The following OSBP2 variants were observed in gnomAD, a reference collection of about 807,000 sequenced individuals.
OSBP2 encodes the protein oxysterol binding protein 2, also known as oxysterol-binding protein 2.
Under a neutral mutation model 96.0 loss-of-function variants are expected in OSBP2, and 66 were observed. That is an observed-to-expected ratio of 0.69 (90% CI 0.56 to 0.84). OSBP2 has a LOEUF of 0.84. OSBP2 is among the 40% of genes least tolerant of loss of function. The pLI is 0.00. For synonymous variants in OSBP2, 525 were observed against 520.9 expected (o/e 1.01, Z -0.11); for missense variants, 1,038 against 1,222.7 (o/e 0.85, Z 2.25).
At chr22:30,779,643 C>A (rs915970951) in intron 2 of OSBP2, among the ~76,000 whole-genome samples, 1 of 152,092 alleles carries the variant, frequency 6.6e-6, no homozygotes, top group African/African-American at 2.4e-5. Context: ...AGGAGCTGGA[C>A]GAAGTAACCC....
At chr22:30,762,416 C>T (rs969756962) in intron 2 of OSBP2, among the ~76,000 whole-genome samples, 3 of 151,890 alleles carry the variant, frequency 2.0e-5, no homozygotes, top group East Asian at 3.9e-4. Flanking sequence ...GGCGTGGTGG[C>T]GGGCGCCTGT....
chr22:30,906,077 C>T lies in OSBP2; in HGVS notation c.2608+8C>T, dbSNP rs1172751959. ...GCTGCAGCTCGGAGGAAGGTGAGGC[C>T]GGGCGGGAAGGGCGCCCCGGAGGGG... is the stretch of plus-strand genomic sequence containing the variant. On this transcript the variant is annotated splice_region_variant and intron_variant, in intron 13 of 13. Coordinates refer to ENST00000332585, the MANE Select transcript of OSBP2 (RefSeq NM_030758.4). 3.1e-6 allele frequency: 4 copies of T among 1,303,992 alleles called. No individual in the cohort carries two copies. Among genetic ancestry groups the T allele is most frequent in the East Asian group, 4.9e-5 (1 of 20,596 alleles). The allele number at this position is 1,303,992 out of a possible 1,614,324, so 80.8% of individuals were successfully genotyped here.
intron 2 of OSBP2, among the ~76,000 whole-genome samples, chr22:30,802,364 G>A (rs1211518428): frequency 6.6e-6 from 1 of 152,206 alleles, no homozygotes; most frequent in African/African-American, 2.4e-5. Context: ...GGATGGGACC[G>A]CATCTCCCCT....
chr22:30,778,285 T>C (rs1356815175), intron 2 of OSBP2, among the ~76,000 whole-genome samples: 2 of 141,624 alleles, frequency 1.4e-5, no homozygotes, highest in Non-Finnish European at 3.1e-5. Context: ...GACCTGCTCA[T>C]ACTGCCCGTG....
At chr22:30,742,409 CAA>C (rs765469159) in intron 2 of OSBP2, among the ~76,000 whole-genome samples, 12 of 130,774 alleles carry the variant, frequency 9.2e-5, no homozygotes, top group African/African-American at 1.6e-4. Context: ...GACTCTGTCT[CAA>C]AAAAAAAAAA....
At chr22:30,704,064 G>A (rs1224395266) in intron 1 of OSBP2, among the ~76,000 whole-genome samples, 1 of 152,128 alleles carries the variant, frequency 6.6e-6, no homozygotes, top group Non-Finnish European at 1.5e-5. Flanking sequence ...CCACGCAAAG[G>A]TGTCCACCCA....
chr22:30,890,807 T>G lies in OSBP2; in HGVS notation c.1703T>G (p.Val568Gly), dbSNP rs1266328545. 3 of 1,613,682 alleles carry G rather than the reference T, an allele frequency of 1.9e-6. No homozygotes were observed. The East Asian group carries it at 6.7e-5, about 36-fold the overall frequency. ...LEYHHLLDKA[V>G]HCTSSVEQMC... ...TACCACCACCTGCTGGACAAGGCAG[T>G]GCACTGCACCAGCTCAGTGGAGCAG... The change falls in exon 8 of 14, where the codon GTG (valine) becomes GGG (glycine). Residue 568 changes from valine to glycine, a missense_variant. Physicochemically the swap from Val to Gly is moderately radical, Grantham distance 109. This residue lies in a region of OSBP2 where 737 missense variants were observed against 913.3 expected (regional missense o/e 0.81). Coordinates refer to ENST00000332585, the MANE Select transcript of OSBP2 (RefSeq NM_030758.4). The surrounding 1 kb of genome is among the most constrained non-coding windows in gnomAD (Gnocchi z 4.4).
intron 2 of OSBP2, among the ~76,000 whole-genome samples, chr22:30,800,528 A>G (rs2145840085): frequency 6.6e-6 from 1 of 152,272 alleles, no homozygotes; most frequent in African/African-American, 2.4e-5. Flanking sequence ...TGACAGCAAC[A>G]TTGGTGATAC....
intron 3 of OSBP2, among the ~76,000 whole-genome samples, chr22:30,877,701 G>C (rs1463734446): frequency 6.6e-6 from 1 of 152,216 alleles, no homozygotes; most frequent in Non-Finnish European, 1.5e-5. Context: ...CTGCTTCTTA[G>C]CAGCCTGTGG....
At chr22:30,744,567 C>G (rs1483844485) in intron 2 of OSBP2, among the ~76,000 whole-genome samples, 1 of 152,144 alleles carries the variant, frequency 6.6e-6, no homozygotes. Flanking sequence ...TCGAGACCAC[C>G]CTGACCAACA....
At chr22:30,749,749 A>G (rs746641851) in intron 2 of OSBP2, among the ~76,000 whole-genome samples, 2 of 152,178 alleles carry the variant, frequency 1.3e-5, no homozygotes, top group African/African-American at 2.4e-5. Flanking sequence ...CTGAGATTAC[A>G]GGCATGCGCC....
At chr22:30,840,380 G>GT (rs1291934897) in intron 2 of OSBP2, among the ~76,000 whole-genome samples, 1 of 151,808 alleles carries the variant, frequency 6.6e-6, no homozygotes, top group Admixed American at 6.6e-5. Flanking sequence ...CACCCTCAAG[G>GT]TTTTTTCTTG....
intron 2 of OSBP2, among the ~76,000 whole-genome samples, chr22:30,863,462 G>A (rs992305614): frequency 3.9e-5 from 6 of 152,300 alleles, no homozygotes; most frequent in African/African-American, 1.4e-4. Context: ...GGGGTGGAAT[G>A]TCTTTTTGCA....
At chr22:30,728,394 CAA>C (rs34137723) in intron 1 of OSBP2, among the ~76,000 whole-genome samples, 9 of 131,926 alleles carry the variant, frequency 6.8e-5, no homozygotes, top group Admixed American at 8.0e-5. Flanking sequence ...GACTCCGTCT[CAA>C]AAAAAAAAAA....
chr22:30,878,129 G>A (rs1275746454), intron 3 of OSBP2, among the ~76,000 whole-genome samples: 1 of 152,234 alleles, frequency 6.6e-6, no homozygotes, highest in East Asian at 1.9e-4. Context: ...GTGAAGAGGA[G>A]GCCAGTCACA....
chr22:30,847,627 C>A (rs2038896830), intron 2 of OSBP2, among the ~76,000 whole-genome samples: 1 of 152,152 alleles, frequency 6.6e-6, no homozygotes, highest in Admixed American at 6.5e-5. Context: ...CTTCTGAGCC[C>A]TGAGTTTTCT....
intron 2 of OSBP2, among the ~76,000 whole-genome samples, chr22:30,778,303 GCACACACACA>G (rs34574171): frequency 3.4e-5 from 5 of 146,526 alleles, no homozygotes; most frequent in South Asian, 2.2e-4. Context: ...GTGTGCATGT[GCACACACACA>G]CACACACACA....
chr22:30,756,566 G>A (rs758933620), intron 2 of OSBP2, among the ~76,000 whole-genome samples: 5 of 152,116 alleles, frequency 3.3e-5, no homozygotes, highest in Admixed American at 6.6e-5. Context: ...GGTGGCGCAC[G>A]CCTGTAGTCA....
chr22:30,869,104 T>C (rs2039407024), intron 2 of OSBP2, among the ~76,000 whole-genome samples: 1 of 152,148 alleles, frequency 6.6e-6, no homozygotes, highest in South Asian at 2.1e-4. Flanking sequence ...CCCCACCTGC[T>C]GTGGTGCGCC....
Sources: gnomAD v4.1 joint callset for allele counts (sites outside exome capture counted in the v4.1 genomes callset) on GRCh38, gnomAD v4.1.1 for gene constraint, gnomAD v4.1.1 regional missense constraint, Gnocchi (gnomAD v3.1) non-coding constraint, MANE v1.5 for transcripts, NCBI Gene and HGNC (gene_info 2026-07-23, HGNC 2026-07-21) for gene names.